The following SLC6A15 variants were observed in gnomAD, a reference collection of about 807,000 sequenced individuals.
SLC6A15 encodes solute carrier family 6 member 15.
A neutral mutation model predicts 68.5 loss-of-function variants in SLC6A15; 33 were observed. The observed-to-expected ratio is 0.48, with a 90% CI of 0.37 to 0.64. SLC6A15 has a LOEUF of 0.64. Among genes scored for constraint, SLC6A15 ranks in the 30% least tolerant of loss-of-function variants. The pLI is 0.00. For synonymous variants in SLC6A15, 347 were observed against 301.0 expected (o/e 1.15, Z -1.58); for missense variants, 747 against 874.3 (o/e 0.85, Z 1.84).
intron 1 of SLC6A15, among the ~76,000 whole-genome samples, chr12:84,903,793 T>C (rs1362334088): frequency 6.6e-6 from 1 of 152,132 alleles, no homozygotes; most frequent in Admixed American, 6.6e-5. Flanking sequence ...CTCAATACTA[T>C]ATCTGCAAAG....
chr12:84,866,820 T>C (rs1195907183), intron 10 of SLC6A15, among the ~76,000 whole-genome samples: 1 of 152,204 alleles, frequency 6.6e-6, no homozygotes, highest in Non-Finnish European at 1.5e-5. Flanking sequence ...TCTAAAATTC[T>C]ACATACTATT....
chr12:84,898,924 A>G lies in SLC6A15; in HGVS notation c.-188-6616T>C, dbSNP rs536269659. Among the ~76,000 whole-genome samples the G allele has an allele frequency of 2.6e-5, 4 of 152,344 alleles. No individual in the cohort carries two copies. In the South Asian group the frequency reaches 8.3e-4, roughly 32 times the overall value. On this transcript the variant is annotated intron_variant, in intron 1 of 11. Coordinates refer to ENST00000266682, the MANE Select transcript of SLC6A15 (RefSeq NM_182767.6). ...TTCTTTCATGATTCTCTGAATTAGC[A>G]GTGTGAACTAGGCTTACATGATCAG...
At chr12:84,904,729 A>G (rs1253690345) in intron 1 of SLC6A15, among the ~76,000 whole-genome samples, 2 of 152,320 alleles carry the variant, frequency 1.3e-5, no homozygotes, top group East Asian at 1.9e-4. Flanking sequence ...CATCTTGGAT[A>G]TCGTAAGTGA....
intron 9 of SLC6A15, among the ~76,000 whole-genome samples, chr12:84,868,912 T>C (rs918711456): frequency 6.6e-6 from 1 of 152,206 alleles, no homozygotes; most frequent in Non-Finnish European, 1.5e-5. Flanking sequence ...TTAGCCTGCA[T>C]GTCAGGCAGG....
intron 1 of SLC6A15, among the ~76,000 whole-genome samples, chr12:84,910,928 CGTGT>C (rs34335324): frequency 0.02 from 2,892 of 143,502 alleles, 159 homozygotes; most frequent in African/African-American, 0.078. Flanking sequence ...GCCCTCTTTC[CGTGT>C]GTGTGTGTGT....
chr12:84,870,733 T>C, intron 8 of SLC6A15, 63 bp from the exon 9 acceptor site: 2 of 995,732 alleles, frequency 2.0e-6, no homozygotes, highest in Non-Finnish European at 2.9e-6. Context: ...GCTCTATATG[T>C]CAGTTACAAT....
intron 10 of SLC6A15, among the ~76,000 whole-genome samples, chr12:84,865,671 G>C (rs2120541146): frequency 6.6e-6 from 1 of 152,232 alleles, no homozygotes; most frequent in East Asian, 1.9e-4. Context: ...TGTTTCCATA[G>C]TTTTACCTTT....
chr12:84,885,993 C>A lies in SLC6A15; in HGVS notation c.365G>T (p.Gly122Val), dbSNP rs745923937. Residue 122 changes from glycine to valine, a missense_variant, in exon 3 of 12, where the codon GGT becomes GTT. Gly to Val is a moderately radical substitution (Grantham distance 109). Coordinates refer to ENST00000266682, the MANE Select transcript of SLC6A15 (RefSeq NM_182767.6). Reference protein sequence around the residue: ...IPLFFLELSVGQRIRRGSIGV... With the variant: ...IPLFFLELSVVQRIRRGSIGV... ...AATGCTGCCTCGCCGAATTCTTTGA[C>A]CCACAGAGAGTTCCAAGAAAAAAAG... 6.2e-7 allele frequency: 1 copy of A among 1,612,764 alleles called. No individual in the cohort carries two copies. Among genetic ancestry groups the A allele is most frequent in the South Asian group, 1.1e-5 (1 of 91,012 alleles).
chr12:84,873,452 G>A (rs1871378824), intron 6 of SLC6A15, 124 bp from the exon 7 acceptor site: 7 of 1,115,036 alleles, frequency 6.3e-6, no homozygotes, highest in East Asian at 2.6e-5. Flanking sequence ...TATTTAAATC[G>A]GGAAATAATA....
intron 1 of SLC6A15, among the ~76,000 whole-genome samples, chr12:84,895,337 G>GTTTTT (rs1362312029): frequency 4.6e-5 from 3 of 65,418 alleles, no homozygotes; most frequent in African/African-American, 1.4e-4. Flanking sequence ...ATTTTTGTTT[G>GTTTTT]TATTTTTTTT....
chr12:84,907,348 G>GA (rs1004950543), intron 1 of SLC6A15, among the ~76,000 whole-genome samples: 23 of 147,116 alleles, frequency 1.6e-4, no homozygotes, highest in Admixed American at 6.8e-5. Context: ...ACTCCGTCTC[G>GA]AAAAAAAACA....
chr12:84,909,393 C>T (rs545678762), intron 1 of SLC6A15, among the ~76,000 whole-genome samples: 3 of 152,246 alleles, frequency 2.0e-5, no homozygotes, highest in South Asian at 4.1e-4. Flanking sequence ...TGCCCTATAT[C>T]CCAGTTTATT....
intron 1 of SLC6A15, among the ~76,000 whole-genome samples, chr12:84,910,842 G>C (rs915838264): frequency 6.6e-6 from 1 of 152,070 alleles, no homozygotes; most frequent in African/African-American, 2.4e-5. Context: ...AAGCGGCAGC[G>C]GGCTCCGGCA....
At chr12:84,892,389 G>T (rs1225244644) in intron 1 of SLC6A15, 81 bp from the exon 2 acceptor site, 3 of 277,788 alleles carry the variant, frequency 1.1e-5, no homozygotes, top group African/African-American at 6.6e-5. Flanking sequence ...TTATTTTTAT[G>T]ATAGAAACCC....
intron 1 of SLC6A15, among the ~76,000 whole-genome samples, chr12:84,908,054 T>C (rs1301192817): frequency 6.6e-6 from 1 of 152,128 alleles, no homozygotes; most frequent in East Asian, 1.9e-4. Context: ...AGTGAAGTGG[T>C]TGTGGTTATA....
Position 84,892,154 on chromosome 12 carries a change from A to AC in SLC6A15, c.-35_-34insG, listed in dbSNP as rs774483811. 53 of 1,546,148 alleles carry AC rather than the reference A, an allele frequency of 3.4e-5. 1 individual carries two copies. In the African/African-American group the frequency reaches 6.0e-4, roughly 17 times the overall value. ...ATGCGAAGTATTTAAAAAAAAAAAA[A>AC]AAAACTCCCTTATGGCAAATGTGTT... On this transcript the variant is annotated 5_prime_UTR_variant, in exon 2 of 12. Transcript: ENST00000266682.
chr12:84,891,413 G>A (rs11116645), intron 2 of SLC6A15, among the ~76,000 whole-genome samples: 2,427 of 152,048 alleles, frequency 0.016, 69 homozygotes, highest in African/African-American at 0.054. Context: ...GAAGAATGAG[G>A]CAACTTAAAA....
intron 10 of SLC6A15, among the ~76,000 whole-genome samples, chr12:84,866,004 C>T (rs1014856449): frequency 1.4e-4 from 21 of 152,300 alleles, no homozygotes; most frequent in African/African-American, 4.3e-4. Flanking sequence ...TATTATTATA[C>T]AGTACATGAT....
At chr12:84,880,455 A>G (rs766277738) in intron 5 of SLC6A15, among the ~76,000 whole-genome samples, 18 of 152,164 alleles carry the variant, frequency 1.2e-4, no homozygotes, top group Non-Finnish European at 2.2e-4. Flanking sequence ...ACTTGAAGTT[A>G]TTTTATAAAT....
Sources: gnomAD v4.1 joint callset for allele counts (sites outside exome capture counted in the v4.1 genomes callset) on GRCh38, gnomAD v4.1.1 for gene constraint, MANE v1.5 for transcripts, NCBI Gene and HGNC (gene_info 2026-07-23, HGNC 2026-07-21) for gene names.